The following WLS variants were observed in gnomAD, a reference collection of about 807,000 sequenced individuals.
The protein encoded by WLS is Wnt ligand secretion mediator.
WLS carries 23 observed loss-of-function variants against 62.8 expected under a neutral mutation model. That is an observed-to-expected ratio of 0.37 (90% CI 0.26 to 0.52). The LOEUF (loss-of-function observed/expected upper bound fraction) is 0.52. WLS is among the 20% of genes least tolerant of loss of function. The pLI is 0.92. For synonymous variants in WLS, 246 were observed against 244.1 expected (o/e 1.01, Z -0.07); for missense variants, 615 against 697.3 (o/e 0.88, Z 1.33).
intron 2 of WLS, chr1:68,161,680 T>C: frequency 1.8e-6 from 2 of 1,086,952 alleles, no homozygotes; most frequent in Non-Finnish European, 1.4e-6. Flanking sequence ...CATATTCTTT[T>C]TCTCTTAGTT....
chr1:68,122,353 G>T (rs931140116), downstream of WLS, among the ~76,000 whole-genome samples: 2 of 152,186 alleles, frequency 1.3e-5, no homozygotes, highest in African/African-American at 4.8e-5. Flanking sequence ...CATCAGAATT[G>T]TTAGAGCTTT....
chr1:68,118,369 G>T (rs1023556362), intron 11 of WLS, among the ~76,000 whole-genome samples: 1 of 152,186 alleles, frequency 6.6e-6, no homozygotes, highest in African/African-American at 2.4e-5. Context: ...TGTCAGTGAG[G>T]ATGCGGGCCA....
intron 10 of WLS, chr1:68,138,220 C>A (rs1646638501): frequency 8.0e-6 from 3 of 373,212 alleles, no homozygotes; most frequent in South Asian, 8.2e-5. Context: ...CATTGCTATC[C>A]CTAAGTTAAA....
intron 2 of WLS, among the ~76,000 whole-genome samples, chr1:68,181,651 C>G (rs762328873): frequency 1.3e-5 from 2 of 152,078 alleles, no homozygotes; most frequent in Non-Finnish European, 2.9e-5. Flanking sequence ...TTGTTAGGTA[C>G]CATCTACCTA....
rs779953986 is a variant in WLS at position 68,126,346 on chromosome 1, GT to G, written c.1517-12del. ...GGACACCCAGATCGCCTGAAACAGG[GT>G]TTTCGGTGTTAGATGCATTCAAGGA... On this transcript the variant is annotated splice_polypyrimidine_tract_variant and intron_variant, in intron 11 of 11. Transcript: ENST00000262348. 1.9e-6 allele frequency: 3 copies of G among 1,613,864 alleles called. No homozygotes were observed. The highest frequency in any genetic ancestry group is 3.3e-5 in the Admixed American group (2 of 60,016).
rs200188571 is a variant in WLS, at chr1:68,098,739, A to G, written c.1525T>C (p.Cys509Arg). The G allele has an allele frequency of 7.4e-6, 12 of 1,613,782 alleles. No individual in the cohort carries two copies. The African/African-American group carries it at 1.1e-4, about 14-fold the overall frequency. The change falls in exon 12 of 12, where the codon TGT (cysteine) becomes CGT (arginine). Residue 509 changes from cysteine to arginine, a missense_variant. Transcript: ENST00000354777. ...AAAGCACAATCTTCCCTCGATTTACATGGGAGTTGCATTCCTGGAAAATTC... is the reference window on the plus strand; with the variant it reads ...AAAGCACAATCTTCCCTCGATTTACGTGGGAGTTGCATTCCTGGAAAATTC...
intron 1 of WLS, among the ~76,000 whole-genome samples, chr1:68,210,315 G>A (rs1426789302): frequency 6.6e-5 from 10 of 152,194 alleles, no homozygotes; most frequent in Non-Finnish European, 1.3e-4. Context: ...AACTGGAGAA[G>A]AGAAAGTCAA....
Position 68,133,133 on chromosome 1 carries a change from TG to T in WLS, c.1516+4646del, listed in dbSNP as rs1482766293. ...GAAGGAAAGGTAACTAAAATATCTT[TG>T]CTAAATTTAAAAATCTATATGTGCA... On this transcript the variant is annotated intron_variant, in intron 11 of 11. Coordinates refer to ENST00000262348, the MANE Select transcript of WLS (RefSeq NM_024911.7). Among the ~76,000 whole-genome samples, 3 of 152,146 alleles carry T rather than the reference TG, an allele frequency of 2.0e-5. No individual in the cohort carries two copies. In the South Asian group the frequency reaches 6.2e-4, roughly 32 times the overall value.
At chr1:68,188,667 A>G (rs897525064) in intron 2 of WLS, among the ~76,000 whole-genome samples, 2 of 152,236 alleles carry the variant, frequency 1.3e-5, no homozygotes, top group African/African-American at 4.8e-5. Flanking sequence ...TTTATCTGGG[A>G]GGAGCCCTTC....
At chr1:68,186,674 T>C (rs1429375369) in intron 2 of WLS, 8 of 455,896 alleles carry the variant, frequency 1.8e-5, no homozygotes, top group Non-Finnish European at 3.1e-5. Flanking sequence ...TCCAAAGTAA[T>C]GATAAACAAT....
chr1:68,110,007 TAAAAAA>T (rs11290966), intron 11 of WLS, among the ~76,000 whole-genome samples: 6 of 28,456 alleles, frequency 2.1e-4, no homozygotes, highest in Non-Finnish European at 3.8e-4. Context: ...ACACAAAAAG[TAAAAAA>T]AAAAAAAAAA....
chr1:68,193,378 GTTT>G (rs1428652420), intron 2 of WLS, among the ~76,000 whole-genome samples: 1 of 101,598 alleles, frequency 9.8e-6, no homozygotes, highest in African/African-American at 3.9e-5. Context: ...TGCCCTCAGA[GTTT>G]TTAACTGCAA....
At chr1:68,199,546 C>T (rs1648884133) in intron 1 of WLS, among the ~76,000 whole-genome samples, 1 of 152,106 alleles carries the variant, frequency 6.6e-6, no homozygotes, top group South Asian at 2.1e-4. Flanking sequence ...CTGCAGATAT[C>T]TGTGCTTGAA....
At chr1:68,169,379 G>T (rs935205523) in intron 2 of WLS, among the ~76,000 whole-genome samples, 3 of 152,106 alleles carry the variant, frequency 2.0e-5, no homozygotes, top group Non-Finnish European at 4.4e-5. Flanking sequence ...TGAATCTGAA[G>T]TACCACCGAA....
At chr1:68,180,693 T>A (rs900180051) in intron 2 of WLS, among the ~76,000 whole-genome samples, 1 of 152,174 alleles carries the variant, frequency 6.6e-6, no homozygotes, top group Non-Finnish European at 1.5e-5. Flanking sequence ...CTTCACAGCC[T>A]CTGTACACTA....
intron 2 of WLS, among the ~76,000 whole-genome samples, chr1:68,174,922 G>T (rs1218792729): frequency 1.3e-5 from 2 of 152,166 alleles, no homozygotes; most frequent in East Asian, 3.9e-4. Context: ...AGTAAGATAA[G>T]GGCTGTGTTA....
chr1:68,137,744 C>T (rs776656746), intron 11 of WLS, 36 bp downstream of exon 11: 3 of 1,592,178 alleles, frequency 1.9e-6, no homozygotes, highest in Non-Finnish European at 8.6e-7. Context: ...GCCTATTTAT[C>T]CTGACTTAAG....
At chr1:68,122,087 T>G (rs1429376216), downstream of WLS, among the ~76,000 whole-genome samples, 1 of 152,212 alleles carries the variant, frequency 6.6e-6, no homozygotes, top group Non-Finnish European at 1.5e-5. Context: ...AATTCTAGTT[T>G]ATAGATTCCC....
intron 2 of WLS, among the ~76,000 whole-genome samples, chr1:68,193,057 C>A (rs531041006): frequency 6.3e-4 from 94 of 149,340 alleles, no homozygotes; most frequent in Non-Finnish European, 1.2e-3. Flanking sequence ...TGCAGTAAGC[C>A]GAGATTGAGC....
Sources: allele counts gnomAD v4.1 joint callset (sites outside exome capture counted in the v4.1 genomes callset), GRCh38; gene constraint gnomAD v4.1.1; transcripts MANE v1.5; gene names NCBI Gene and HGNC (gene_info 2026-07-23, HGNC 2026-07-21).